Variants in ETF1 observed in about 807,000 individuals in gnomAD.
ETF1 encodes the protein eukaryotic peptide chain release factor subunit 1.
ETF1 carries 4 observed loss-of-function variants against 55.1 expected under a neutral mutation model. The observed-to-expected ratio is 0.07, with a 90% CI of 0.04 to 0.17. The LOEUF is 0.17. ETF1 is among the 10% of genes least tolerant of loss of function. The pLI is 1.00. For synonymous variants in ETF1, 157 were observed against 182.3 expected (o/e 0.86, Z 1.12); for missense variants, 142 against 523.6 (o/e 0.27, Z 7.11).
intron 9 of ETF1, chr5:138,509,176 T>C (rs954217662): frequency 1.0e-5 from 10 of 985,268 alleles, no homozygotes; most frequent in Non-Finnish European, 1.2e-5. Flanking sequence ...AGGACTGCTT[T>C]TGGGAGTGGC....
At chr5:138,524,363 CA>C (rs1765367550) in intron 2 of ETF1, among the ~76,000 whole-genome samples, 1 of 151,270 alleles carries the variant, frequency 6.6e-6, no homozygotes, top group Non-Finnish European at 1.5e-5. Context: ...AACAACAAAC[CA>C]AAAACCAAAA....
At chr5:138,538,858 A>G (rs1035271848) in intron 2 of ETF1, among the ~76,000 whole-genome samples, 3 of 152,240 alleles carry the variant, frequency 2.0e-5, no homozygotes. Context: ...GATTTAAAAC[A>G]TTAACCTATT....
intron 10 of ETF1, 27 bp downstream of exon 10, chr5:138,508,642 A>C: frequency 1.2e-6 from 2 of 1,611,544 alleles, no homozygotes; most frequent in Non-Finnish European, 1.7e-6. Context: ...CCTGGTTTTA[A>C]GTTTGGTTTG....
chr5:138,522,103 T>C (rs925572050), intron 2 of ETF1, among the ~76,000 whole-genome samples: 2 of 119,060 alleles, frequency 1.7e-5, no homozygotes, highest in Non-Finnish European at 4.1e-5. Context: ...CTCTTGTTTT[T>C]TGTTTTTTTG....
At chr5:138,525,583 A>G (rs142767274) in intron 2 of ETF1, among the ~76,000 whole-genome samples, 32 of 152,346 alleles carry the variant, frequency 2.1e-4, no homozygotes, top group Non-Finnish European at 4.3e-4. Context: ...AGCTACCAGT[A>G]TAAATTGAGC....
At chr5:138,517,446 A>C (rs1765068378) in intron 4 of ETF1, 115 bp downstream of exon 4, 1 of 470,688 alleles carries the variant, frequency 2.1e-6, no homozygotes, top group Admixed American at 3.7e-5. Flanking sequence ...TGGAAAGAAA[A>C]TATAGTGGTT....
At chr5:138,522,998 T>C (rs572818636) in intron 2 of ETF1, among the ~76,000 whole-genome samples, 1 of 142,922 alleles carries the variant, frequency 7.0e-6, no homozygotes, top group Admixed American at 7.5e-5. Flanking sequence ...AGAGCAAGAC[T>C]CCATCTCAAA....
rs143888554 is a variant in ETF1, at chr5:138,509,039, A to G, written c.1084-223T>C. ...ACACTTCTCCTCAGGCTCTACCCTCAGCTATGAAATACCAACACAAAAACT... is the reference window on the plus strand; with the variant it reads ...ACACTTCTCCTCAGGCTCTACCCTCGGCTATGAAATACCAACACAAAAACT... On this transcript the variant is annotated intron_variant, in intron 9 of 10. Coordinates refer to ENST00000360541, the MANE Select transcript of ETF1 (RefSeq NM_004730.4). 1,794 of 985,304 alleles carry G rather than the reference A, an allele frequency of 1.8e-3. 2 individuals are homozygous for G. The highest frequency in any genetic ancestry group is 2.1e-3 in the Non-Finnish European group (1,747 of 829,824). The allele number at this position is 985,304 out of a possible 1,614,324, so 61.0% of individuals were successfully genotyped here.
intron 2 of ETF1, among the ~76,000 whole-genome samples, chr5:138,533,216 G>A (rs1765775623): frequency 6.6e-6 from 1 of 151,770 alleles, no homozygotes; most frequent in South Asian, 2.1e-4. Flanking sequence ...TTACAGGCGT[G>A]AGCCACCGGG....
chr5:138,513,254 CAG>C (rs1440166583), intron 5 of ETF1: 24 of 970,968 alleles, frequency 2.5e-5, no homozygotes, highest in African/African-American at 1.9e-4. Flanking sequence ...TTTTTTGAGA[CAG>C]AGTCTCACTC....
Position 138,542,880 on chromosome 5 carries a change from C to T in ETF1, c.39G>A (p.Glu13=). The stretch of plus-strand genomic sequence containing the variant: ...TAATGAGCTTCTTGATCTTCCAGAT[C>T]TCCACGTTCCTGTCGGCAGCACTGG... The part of the protein sequence containing the change: ...DDPSAADRNV[E]IWKIKKLIKS... The change falls in exon 2 of 11, where the codon GAG becomes GAA. Residue 13 remains glutamate (E), a synonymous_variant. Coordinates refer to ENST00000360541, the MANE Select transcript of ETF1 (RefSeq NM_004730.4). 2 of 1,613,706 alleles carry T rather than the reference C, an allele frequency of 1.2e-6. No individual in the cohort carries two copies. The highest frequency in any genetic ancestry group is 1.7e-6 in the Non-Finnish European group (2 of 1,179,918).
intron 6 of ETF1, among the ~76,000 whole-genome samples, chr5:138,512,258 ATTTTTTTTTT>A (rs58936942): frequency 1.0e-4 from 2 of 20,022 alleles, no homozygotes; most frequent in African/African-American, 3.8e-4. Flanking sequence ...ATATATATAT[ATTTTTTTTTT>A]TTTTTAAAGG....
Position 138,511,084 on chromosome 5 carries a change from C to G in ETF1, c.979G>C (p.Asp327His). 1.9e-6 allele frequency: 3 copies of G among 1,613,924 alleles called. No homozygotes were observed. Among genetic ancestry groups the G allele is most frequent in the Non-Finnish European group, 1.7e-6 (2 of 1,179,890 alleles). Residue 327 changes from aspartate to histidine, a missense_variant, in exon 8 of 11, where the codon GAT becomes CAT. Physicochemically the swap from Asp to His is moderately conservative, Grantham distance 81. Transcript: ENST00000360541. ...CAATGAAGAACATATCTCATTATAT[C>G]CAGATTTTCATAGACTATTAGAATT... is the stretch of plus-strand genomic sequence containing the variant. Reference protein sequence around the residue: ...VEILIVYENLDIMRYVLHCQG... With the variant: ...VEILIVYENLHIMRYVLHCQG...
intron 3 of ETF1, chr5:138,517,970 G>T: frequency 1.4e-6 from 1 of 740,612 alleles, no homozygotes; most frequent in Non-Finnish European, 1.6e-6. Flanking sequence ...GGGAGGCCGA[G>T]GTAGGCGGAT....
In ETF1 at chr5:138,517,977, G is replaced by C. The variant is rs1335718850; in HGVS notation, c.263-277C>G. 5 of 661,936 alleles carry C rather than the reference G, an allele frequency of 7.6e-6. No homozygotes were observed. The Middle Eastern group carries it at 3.0e-3, about 395-fold the overall frequency. 41.0% of individuals were successfully genotyped at this position (661,936 alleles called of 1,614,324 possible). ...AGCACTCTGGGAGGCCGAGGTAGGC[G>C]GATCACCTGACGTCAGGAATTCAAG... On this transcript the variant is annotated intron_variant, in intron 3 of 10. Transcript: ENST00000360541.
At chr5:138,539,239 C>A (rs1766075361) in intron 2 of ETF1, among the ~76,000 whole-genome samples, 1 of 152,218 alleles carries the variant, frequency 6.6e-6, no homozygotes, top group South Asian at 2.1e-4. Flanking sequence ...CTGGCTAGCA[C>A]AGGCTCTAGT....
chr5:138,512,728 G>C, intron 6 of ETF1, 36 bp downstream of exon 6: 1 of 1,538,628 alleles, frequency 6.5e-7, no homozygotes, highest in South Asian at 1.3e-5. Flanking sequence ...CTCCTACCTA[G>C]GGTCTTACAT....
chr5:138,524,738 C>T (rs1472269614), intron 2 of ETF1, among the ~76,000 whole-genome samples: 7 of 151,582 alleles, frequency 4.6e-5, no homozygotes, highest in East Asian at 2.0e-4. Context: ...CCATCACACC[C>T]GGCTAATTTT....
intron 4 of ETF1, 86 bp from the exon 5 acceptor site, chr5:138,513,792 T>G: frequency 1.4e-6 from 2 of 1,425,292 alleles, no homozygotes; most frequent in South Asian, 1.6e-5. Context: ...TACAAGCCCT[T>G]TCACTCCACT....
Sources: gnomAD v4.1 joint callset for allele counts (sites outside exome capture counted in the v4.1 genomes callset) on GRCh38, gnomAD v4.1.1 for gene constraint, MANE v1.5 for transcripts, NCBI Gene and HGNC (gene_info 2026-07-23, HGNC 2026-07-21) for gene names.